The following HADHB variants were observed in gnomAD, a reference collection of about 807,000 sequenced individuals.
HADHB encodes the protein trifunctional enzyme subunit beta, mitochondrial.
In HADHB, 50 loss-of-function variants were observed where a neutral mutation model predicts 61.9. That is an observed-to-expected ratio of 0.81 (90% CI 0.64 to 1.02). The LOEUF (loss-of-function observed/expected upper bound fraction) is 1.02. HADHB is among the 50% of genes least tolerant of loss of function. The probability of loss-of-function intolerance (pLI) is 0.00; values close to 1 mark genes in which losing one functional copy is unlikely to be tolerated. For missense variants in HADHB, 504 were observed against 586.5 expected, an observed-to-expected ratio of 0.86 and a Z score of 1.45; for synonymous variants, 191 against 201.6, an observed-to-expected ratio of 0.95 and a Z score of 0.45.
At position 26,263,486 on chromosome 2, in the gene HADHB, A is replaced by T. The variant is rs773618132; in HGVS notation, c.209+7A>T. On this transcript the variant is annotated splice_region_variant and intron_variant, in intron 4 of 15. Coordinates refer to ENST00000317799, the MANE Select transcript of HADHB (RefSeq NM_000183.3). Reference sequence around the variant, plus strand: ...TTTTGCTGTCTGGCACTTCGTAAGTATGACATGATCATATTATTTTTTTCC... The same window carrying T: ...TTTTGCTGTCTGGCACTTCGTAAGTTTGACATGATCATATTATTTTTTTCC... 1 of 1,511,986 alleles carries T rather than the reference A, an allele frequency of 6.6e-7. No homozygotes were observed. Among genetic ancestry groups the T allele is most frequent in the Non-Finnish European group, 9.2e-7 (1 of 1,086,888 alleles). The allele number at this position is 1,511,986 out of a possible 1,614,324, so 93.7% of individuals were successfully genotyped here.
At chr2:26,258,186 CT>C (rs1161741387) in intron 3 of HADHB, among the ~76,000 whole-genome samples, 1 of 152,158 alleles carries the variant, frequency 6.6e-6, no homozygotes, top group Non-Finnish European at 1.5e-5. Context: ...CTTTTATGTA[CT>C]GTTGCTGTTG....
intron 10 of HADHB, among the ~76,000 whole-genome samples, chr2:26,282,169 T>C (rs1361433412): frequency 1.3e-5 from 2 of 151,866 alleles, no homozygotes; most frequent in Admixed American, 1.3e-4. Flanking sequence ...AAGAGATATG[T>C]TTATTTTGGT....
chr2:26,265,734 T>C (rs1489856858), intron 4 of HADHB, among the ~76,000 whole-genome samples: 2 of 152,260 alleles, frequency 1.3e-5, no homozygotes, highest in Non-Finnish European at 2.9e-5. Flanking sequence ...GGGTTGTTCC[T>C]TTCTTTGTTG....
At chr2:26,251,118 TG>T (rs1671382543) in intron 1 of HADHB, among the ~76,000 whole-genome samples, 1 of 148,362 alleles carries the variant, frequency 6.7e-6, no homozygotes, top group Non-Finnish European at 1.5e-5. Context: ...CATCCTGTTT[TG>T]TTGATCAGTG....
At chr2:26,285,358 C>T in intron 14 of HADHB, 49 bp from the exon 15 acceptor site, 1 of 1,534,480 alleles carries the variant, frequency 6.5e-7, no homozygotes, top group Non-Finnish European at 9.0e-7. Flanking sequence ...TAGCTTGATT[C>T]TGATCTTAAG....
At chr2:26,253,490 C>G (rs1432661535) in intron 1 of HADHB, among the ~76,000 whole-genome samples, 1 of 152,144 alleles carries the variant, frequency 6.6e-6, no homozygotes, top group East Asian at 1.9e-4. Flanking sequence ...TCACGCCTAG[C>G]AGTCTCTCTG....
intron 3 of HADHB, chr2:26,254,870 G>T: frequency 4.6e-6 from 1 of 218,096 alleles, no homozygotes; most frequent in Non-Finnish European, 9.3e-6. Flanking sequence ...CTCTATTGAT[G>T]AATATCTTCT....
chr2:26,258,135 C>T (rs907462276), intron 3 of HADHB, among the ~76,000 whole-genome samples: 1 of 152,156 alleles, frequency 6.6e-6, no homozygotes, highest in Non-Finnish European at 1.5e-5. Flanking sequence ...ACTGAGCCTC[C>T]GAAACGGAGG....
At position 26,287,118 on chromosome 2, in the gene HADHB, C is replaced by T. The variant is rs375493442; in HGVS notation, c.1389+1547C>T. ...ACTCAGGAGGCTGAGGCAGGGGAAT[C>T]GCTTGAACCCGGGAGGTGGAGGTTG... On this transcript the variant is annotated intron_variant, in intron 15 of 15. Coordinates refer to ENST00000317799, the MANE Select transcript of HADHB (RefSeq NM_000183.3). Among the ~76,000 whole-genome samples the T allele has an allele frequency of 1.1e-4, 17 of 151,914 alleles. 1 individual carries two copies. The highest frequency in any genetic ancestry group is 2.0e-4 in the East Asian group (1 of 5,118).
intron 1 of HADHB, among the ~76,000 whole-genome samples, chr2:26,253,951 C>T (rs1424204540): frequency 6.6e-6 from 1 of 152,054 alleles, no homozygotes; most frequent in Non-Finnish European, 1.5e-5. Flanking sequence ...TGGCAAGTCA[C>T]TCAATCCTAC....
At chr2:26,258,655 A>G (rs1385931757) in intron 3 of HADHB, among the ~76,000 whole-genome samples, 1 of 152,224 alleles carries the variant, frequency 6.6e-6, no homozygotes, top group African/African-American at 2.4e-5. Context: ...GAGCCAGAAC[A>G]AACATGGACC....
At chr2:26,263,584 A>C in intron 4 of HADHB, 105 bp downstream of exon 4, 1 of 765,112 alleles carries the variant, frequency 1.3e-6, no homozygotes, top group African/African-American at 1.7e-5. Flanking sequence ...TAGTGGACTA[A>C]TATTTGGATA....
intron 4 of HADHB, among the ~76,000 whole-genome samples, chr2:26,268,335 C>T (rs1296850462): frequency 6.6e-6 from 1 of 152,192 alleles, no homozygotes; most frequent in Non-Finnish European, 1.5e-5. Context: ...TCCGCAAAGT[C>T]TGTGTTATTC....
chr2:26,270,228 A>G (rs144497263), intron 5 of HADHB, among the ~76,000 whole-genome samples: 5 of 152,328 alleles, frequency 3.3e-5, no homozygotes, highest in African/African-American at 9.6e-5. Flanking sequence ...GCCTAAACAC[A>G]ATACATATAT....
chr2:26,255,389 A>G lies in HADHB; in HGVS notation c.109+915A>G, dbSNP rs566375354. Among the ~76,000 whole-genome samples the G allele has an allele frequency of 4.6e-5, 7 of 151,908 alleles. No homozygotes were observed. The South Asian group carries it at 1.5e-3, about 32-fold the overall frequency. ...GTGGCATACGCCTGTAGTCCCAGCT[A>G]CTTGGGAGGCTGAGACACGAGAATC... On this transcript the variant is annotated intron_variant, in intron 3 of 15. Coordinates refer to ENST00000317799, the MANE Select transcript of HADHB (RefSeq NM_000183.3).
chr2:26,283,373 A>T (rs1358654268), intron 12 of HADHB, among the ~76,000 whole-genome samples: 3 of 151,980 alleles, frequency 2.0e-5, no homozygotes, highest in Non-Finnish European at 4.4e-5. Context: ...AAATACAAAA[A>T]ATTAGCCAGG....
chr2:26,272,346 CTTT>C (rs11340590), intron 5 of HADHB, among the ~76,000 whole-genome samples: 11 of 135,986 alleles, frequency 8.1e-5, no homozygotes, highest in East Asian at 2.2e-4. Context: ...TCCCATTTGT[CTTT>C]TTTTTTTTTT....
intron 3 of HADHB, chr2:26,261,216 C>CCA: frequency 2.1e-6 from 1 of 473,520 alleles, no homozygotes; most frequent in Non-Finnish European, 3.7e-6. Context: ...ACAAATACCC[C>CCA]CCCCCCATCC....
rs200478355 is a variant in HADHB at position 26,282,856 on chromosome 2, A to C, written c.945A>C (p.Ala315=). 3.7e-6 allele frequency: 6 copies of C among 1,610,356 alleles called. No individual in the cohort carries two copies. Among genetic ancestry groups the C allele is most frequent in the Non-Finnish European group, 4.2e-6 (5 of 1,177,136 alleles). The change falls in exon 11 of 16, where the codon GCA becomes GCC. Residue 315 remains alanine, a synonymous_variant. Transcript: ENST00000317799. ...GGTTAACATTTCAGACTGATGGTGCATCTGCAATGTTAATCATGGCGGAGG... is the reference window on the plus strand; with the variant it reads ...GGTTAACATTTCAGACTGATGGTGCCTCTGCAATGTTAATCATGGCGGAGG... ...AANSSFLTDG[A]SAMLIMAEEK...
Sources: allele counts gnomAD v4.1 joint callset (sites outside exome capture counted in the v4.1 genomes callset), GRCh38; gene constraint gnomAD v4.1.1; transcripts MANE v1.5; gene names NCBI Gene and HGNC (gene_info 2026-07-23, HGNC 2026-07-21).